TXNRD3: variants seen among roughly 807,000 people sequenced by gnomAD.
The protein encoded by TXNRD3 is TXNRD3 neighbor gene protein.
Under a neutral mutation model 78.2 loss-of-function variants are expected in TXNRD3, and 68 were observed. The ratio of observed to expected loss-of-function variants is 0.87; its 90% confidence interval spans 0.72 to 1.06. TXNRD3 has a LOEUF of 1.06. Among genes scored for constraint, TXNRD3 ranks in the 50% least tolerant of loss-of-function variants. The pLI is 0.00. For synonymous variants in TXNRD3, 296 were observed against 300.1 expected (o/e 0.99, Z 0.14); for missense variants, 751 against 809.5 (o/e 0.93, Z 0.88).
At chr3:126,623,513 T>G (rs2107615116) in intron 10 of TXNRD3, among the ~76,000 whole-genome samples, 1 of 152,320 alleles carries the variant, frequency 6.6e-6, no homozygotes, top group South Asian at 2.1e-4. Flanking sequence ...TCAAGTGAGT[T>G]TGTCCCCAAA....
chr3:126,635,294 T>C (rs929113120), intron 6 of TXNRD3, among the ~76,000 whole-genome samples: 4 of 152,204 alleles, frequency 2.6e-5, no homozygotes, highest in African/African-American at 9.6e-5. Context: ...CAAATACAGC[T>C]GCACATCATA....
chr3:126,631,879 C>T lies in TXNRD3; in HGVS notation c.856G>A (p.Ala286Thr). ...GTCTCCTGTCCTTTTTTATTGGTTG[C>T]CTTGAAAAAAGAGAAGTAAACCTCA... The change falls in exon 8 of 16, where the codon GCA becomes ACA. Residue 286 changes from alanine (A) to threonine (T), a missense_variant and splice_region_variant. Coordinates refer to ENST00000524230, the MANE Select transcript of TXNRD3 (RefSeq NM_052883.3). The T allele has an allele frequency of 6.5e-7, 1 of 1,533,572 alleles. No individual in the cohort carries two copies. The highest frequency in any genetic ancestry group is 8.7e-7 in the Non-Finnish European group (1 of 1,145,162). 95.0% of individuals were successfully genotyped at this position (1,533,572 alleles called of 1,614,324 possible).
Position 126,607,803 on chromosome 3 carries a change from G to C in TXNRD3, c.*102C>G. ...AAGACAGCCCTGCACTGGTCCCTGA[G>C]TAACAGAGCAGCTGTCATGAGCACA... On this transcript the variant is annotated 3_prime_UTR_variant, in exon 16 of 16. Coordinates refer to ENST00000524230, the MANE Select transcript of TXNRD3 (RefSeq NM_052883.3). 3 of 952,230 alleles carry C rather than the reference G, an allele frequency of 3.2e-6. No homozygotes were observed. Among genetic ancestry groups the C allele is most frequent in the Non-Finnish European group, 4.5e-6 (3 of 664,422 alleles). 59.0% of individuals were successfully genotyped at this position (952,230 alleles called of 1,614,324 possible). A position where few individuals can be genotyped will look rare whatever the true frequency, so the allele number is the denominator to read the frequency against.
At chr3:126,637,565 T>A (rs192204888) in intron 6 of TXNRD3, among the ~76,000 whole-genome samples, 1,801 of 152,272 alleles carry the variant, frequency 0.012, 19 homozygotes, top group Middle Eastern at 0.048. Flanking sequence ...AATAGGAAAT[T>A]CTTAATTTCC....
Position 126,630,952 on chromosome 3 carries a change from T to C in TXNRD3, c.972-15A>G, listed in dbSNP as rs1376826376. Reference sequence around the variant, plus strand: ...AAAGGTCATCACTGAAAAATAAAAATTAAAAAAAGAATACCTAGGCAGCAA... The same window carrying C: ...AAAGGTCATCACTGAAAAATAAAAACTAAAAAAAGAATACCTAGGCAGCAA... On this transcript the variant is annotated splice_polypyrimidine_tract_variant and intron_variant, in intron 8 of 15. Coordinates refer to ENST00000524230, the MANE Select transcript of TXNRD3 (RefSeq NM_052883.3). 2 of 1,529,190 alleles carry C rather than the reference T, an allele frequency of 1.3e-6. No homozygotes were observed. Among genetic ancestry groups the C allele is most frequent in the Middle Eastern group, 1.7e-4 (1 of 5,742 alleles). 94.7% of individuals were successfully genotyped at this position (1,529,190 alleles called of 1,614,324 possible). A position where few individuals can be genotyped will look rare whatever the true frequency, so the allele number is the denominator to read the frequency against.
At position 126,654,946 on chromosome 3, in the gene TXNRD3, G is replaced by T. The variant is rs1933480418; in HGVS notation, c.45C>A (p.Gly15=). Residue 15 remains glycine (G), a synonymous_variant, in exon 1 of 16, where the codon GGC becomes GGA. Coordinates refer to ENST00000524230, the MANE Select transcript of TXNRD3 (RefSeq NM_052883.3). ...GGCCCGAGCGGCGGTTGGGGGCATC[G>T]CCCGCCTTTCCCGGCCCGGGCGACT... is the stretch of plus-strand genomic sequence containing the variant. The T allele has an allele frequency of 2.3e-6, 3 of 1,295,742 alleles. No individual in the cohort carries two copies. In the East Asian group the frequency reaches 9.5e-5, roughly 41 times the overall value. The allele number at this position is 1,295,742 out of a possible 1,614,324, so 80.3% of individuals were successfully genotyped here.
At chr3:126,614,376 A>T (rs1480984923) in intron 13 of TXNRD3, among the ~76,000 whole-genome samples, 1 of 152,162 alleles carries the variant, frequency 6.6e-6, no homozygotes, top group Admixed American at 6.5e-5. Context: ...AGGCTTGTAC[A>T]TCCTTCCTGT....
chr3:126,649,967 T>A (rs2107629944), intron 1 of TXNRD3, among the ~76,000 whole-genome samples: 1 of 152,344 alleles, frequency 6.6e-6, no homozygotes, highest in African/African-American at 2.4e-5. Flanking sequence ...GCCACTGAAC[T>A]CTACACTAAA....
rs982390608 is a variant in TXNRD3 at position 126,622,534 on chromosome 3, A to C, written c.1297T>G (p.Leu433Val). 2 of 1,531,284 alleles carry C rather than the reference A, an allele frequency of 1.3e-6. No individual in the cohort carries two copies. The highest frequency in any genetic ancestry group is 4.0e-5 in the Admixed American group (2 of 49,562). The allele number at this position is 1,531,284 out of a possible 1,614,324, so 94.9% of individuals were successfully genotyped here. The change falls in exon 11 of 16, where the codon TTA (leucine) becomes GTA (valine). Residue 433 changes from leucine (L) to valine (V), a missense_variant. By Grantham distance (32) the Leu-to-Val change is conservative. Coordinates refer to ENST00000524230, the MANE Select transcript of TXNRD3 (RefSeq NM_052883.3). ...GTACAGGAGTCACGACCAATAGCTA[A>C]CAAAACCTGCATTTGCAGAGAAATC... is the stretch of plus-strand genomic sequence containing the variant.
intron 1 of TXNRD3, among the ~76,000 whole-genome samples, chr3:126,648,257 G>A (rs902846655): frequency 2.0e-5 from 3 of 152,170 alleles, no homozygotes; most frequent in African/African-American, 7.2e-5. Context: ...CCATGTTCAT[G>A]GATTGGAAGA....
intron 12 of TXNRD3, among the ~76,000 whole-genome samples, chr3:126,615,840 A>G (rs1475335552): frequency 6.6e-6 from 1 of 152,184 alleles, no homozygotes; most frequent in Admixed American, 6.5e-5. Flanking sequence ...CTTCCAGGCA[A>G]CCTTGAATTA....
At chr3:126,611,905 G>A (rs573511058) in intron 13 of TXNRD3, among the ~76,000 whole-genome samples, 1 of 152,268 alleles carries the variant, frequency 6.6e-6, no homozygotes, top group East Asian at 1.9e-4. Flanking sequence ...AATTGCTGGT[G>A]CATGTAGAGT....
Position 126,644,060 on chromosome 3 carries a change from A to G in TXNRD3, c.520-7T>C. 1 of 1,535,430 alleles carries G rather than the reference A, an allele frequency of 6.5e-7. No homozygotes were observed. The highest frequency in any genetic ancestry group is 8.7e-7 in the Non-Finnish European group (1 of 1,146,736). On this transcript the variant is annotated splice_polypyrimidine_tract_variant and splice_region_variant and intron_variant, in intron 4 of 15. Coordinates refer to ENST00000524230, the MANE Select transcript of TXNRD3 (RefSeq NM_052883.3). ...TTCCCAAAATGGCAGCTTCCTACAA[A>G]CGAACAACAACAAAAATTACGTATA... is the stretch of plus-strand genomic sequence containing the variant.
At chr3:126,623,705 GGCAAGTGTA>G (rs1174932581) in intron 10 of TXNRD3, among the ~76,000 whole-genome samples, 2 of 151,956 alleles carry the variant, frequency 1.3e-5, no homozygotes, top group Non-Finnish European at 2.9e-5. Flanking sequence ...CCAGATAAAA[GGCAAGTGTA>G]GCAAACTTAC....
intron 13 of TXNRD3, among the ~76,000 whole-genome samples, chr3:126,614,795 T>G (rs759200418): frequency 6.6e-6 from 1 of 152,184 alleles, no homozygotes; most frequent in Admixed American, 6.5e-5. Flanking sequence ...TATCAAGTAT[T>G]AATAACCCTC....
rs1938538345 is a variant in TXNRD3, at chr3:126,624,762, C to G, written c.1291-2222G>C. On this transcript the variant is annotated intron_variant, in intron 10 of 15. Transcript: ENST00000524230. ...AGGGAAGTCTTTTCAACAAATGGTACTGGATATCCACACGGAAAGAAAAGA... is the reference window on the plus strand; with the variant it reads ...AGGGAAGTCTTTTCAACAAATGGTAGTGGATATCCACACGGAAAGAAAAGA... The G allele has an allele frequency of 1.9e-5, 3 of 159,590 alleles. No homozygotes were observed. In the South Asian group the frequency reaches 4.9e-4, roughly 26 times the overall value. 9.9% of individuals were successfully genotyped at this position (159,590 alleles called of 1,614,324 possible). A position where few individuals can be genotyped will look rare whatever the true frequency, so the allele number is the denominator to read the frequency against.
rs1384939960 is a variant in TXNRD3, at chr3:126,607,776, G to C, written c.*129C>G. ...TTGTCTACTTTCTCATCTAAGTGTC[G>C]TAAGACAGCCCTGCACTGGTCCCTG... On this transcript the variant is annotated 3_prime_UTR_variant, in exon 16 of 16. Coordinates refer to ENST00000524230, the MANE Select transcript of TXNRD3 (RefSeq NM_052883.3). 1.8e-6 allele frequency: 1 copy of C among 562,218 alleles called. No individual in the cohort carries two copies. 34.8% of individuals were successfully genotyped at this position (562,218 alleles called of 1,614,324 possible).
At chr3:126,642,862 AAAAATCTGCCAGAAAATTTTTTCTAGCAG>A (rs1219400176) in intron 5 of TXNRD3, among the ~76,000 whole-genome samples, 4 of 152,266 alleles carry the variant, frequency 2.6e-5, no homozygotes, top group African/African-American at 9.6e-5. Context: ...TTTATGTGAA[AAAAATCTGCCAGAAAATTTTTTCTAGCAG>A]AAAAGAGAAG....
intron 6 of TXNRD3, among the ~76,000 whole-genome samples, chr3:126,641,447 G>A (rs998202069): frequency 2.4e-4 from 37 of 152,204 alleles, no homozygotes; most frequent in African/African-American, 8.9e-4. Context: ...GGGTCACCTT[G>A]TCTGAAGAGC....
Sources: allele counts gnomAD v4.1 joint callset (sites outside exome capture counted in the v4.1 genomes callset), GRCh38; gene constraint gnomAD v4.1.1; transcripts MANE v1.5; gene names NCBI Gene and HGNC (gene_info 2026-07-23, HGNC 2026-07-21).